The following COG3 variants were observed in gnomAD, a reference collection of about 807,000 sequenced individuals.
The protein encoded by COG3 is conserved oligomeric Golgi complex subunit 3.
Under a neutral mutation model 114.1 loss-of-function variants are expected in COG3, and 32 were observed. The ratio of observed to expected loss-of-function variants is 0.28; its 90% CI spans 0.21 to 0.38. The LOEUF (loss-of-function observed/expected upper bound fraction) is 0.38. Ranked by LOEUF, COG3 falls within the 10% of genes least tolerant of loss-of-function variation. COG3 has a pLI of 1.00. For missense variants in COG3, 813 were observed against 973.2 expected, an observed-to-expected ratio of 0.84 and a Z score of 2.19; for synonymous variants, 352 against 365.7, an observed-to-expected ratio of 0.96 and a Z score of 0.43.
chr13:45,507,515 A>G (rs1420412370), intron 14 of COG3, among the ~76,000 whole-genome samples: 1 of 152,190 alleles, frequency 6.6e-6, no homozygotes, highest in African/African-American at 2.4e-5. Flanking sequence ...CTGTAATTCC[A>G]GCACTTTGGG....
Position 45,493,494 on chromosome 13 carries a change from A to T in COG3, c.1327+8A>T. The T allele has an allele frequency of 6.2e-7, 1 of 1,607,940 alleles. No individual in the cohort carries two copies. Among genetic ancestry groups the T allele is most frequent in the Non-Finnish European group, 8.5e-7 (1 of 1,177,026 alleles). On this transcript the variant is annotated splice_region_variant and intron_variant, in intron 12 of 22. Coordinates refer to ENST00000349995, the MANE Select transcript of COG3 (RefSeq NM_031431.4). Reference sequence around the variant, plus strand: ...ATCATGTGCAGAACAATGGTAAATGAGTAGAAATGATCATTTTAAGTTATA... The same window carrying T: ...ATCATGTGCAGAACAATGGTAAATGTGTAGAAATGATCATTTTAAGTTATA...
At chr13:45,470,392 G>T (rs1020482033) in intron 1 of COG3, among the ~76,000 whole-genome samples, 2 of 152,162 alleles carry the variant, frequency 1.3e-5, no homozygotes, top group African/African-American at 4.8e-5. Context: ...CACTTAAAAG[G>T]ACAGCTCTAT....
intron 12 of COG3, chr13:45,493,866 G>GT (rs56202303): frequency 0.9 from 138,754 of 154,384 alleles, 62,500 homozygotes; most frequent in African/African-American, 0.94. Context: ...AACAGGAATT[G>GT]TTTTGTGTAT....
chr13:45,511,937 A>G, intron 16 of COG3, 83 bp downstream of exon 16: 1 of 1,081,200 alleles, frequency 9.2e-7, no homozygotes, highest in South Asian at 1.3e-5. Context: ...CAGAAGTTTA[A>G]AGCTGTTTTG....
chr13:45,487,857 A>G (rs1372212712), intron 8 of COG3, among the ~76,000 whole-genome samples: 1 of 152,238 alleles, frequency 6.6e-6, no homozygotes, highest in Non-Finnish European at 1.5e-5. Flanking sequence ...TAGAGCTGTC[A>G]TACCATCCAG....
intron 16 of COG3, among the ~76,000 whole-genome samples, chr13:45,514,562 CATATT>C (rs1006293921): frequency 6.6e-6 from 1 of 152,156 alleles, no homozygotes; most frequent in African/African-American, 2.4e-5. Context: ...CTGTTTCCTA[CATATT>C]ATAAGAGGTT....
intron 1 of COG3, 144 bp from the exon 2 acceptor site, chr13:45,476,057 C>T (rs1186054830): frequency 2.8e-6 from 2 of 705,436 alleles, no homozygotes; most frequent in Non-Finnish European, 4.8e-6. Context: ...AATGTTAGTA[C>T]TATATAGTAT....
chr13:45,502,804 A>C (rs1243072618), intron 13 of COG3, among the ~76,000 whole-genome samples: 1 of 152,102 alleles, frequency 6.6e-6, no homozygotes, highest in East Asian at 1.9e-4. Context: ...GGAATTCCCA[A>C]AGTCCATTGT....
At chr13:45,491,355 T>G in intron 9 of COG3, 57 bp from the exon 10 acceptor site, 2 of 1,560,974 alleles carry the variant, frequency 1.3e-6, no homozygotes, top group Non-Finnish European at 1.7e-6. Context: ...GGATTTAAGA[T>G]GAAATTTAGT....
chr13:45,485,228 G>A (rs1368452112), intron 7 of COG3, among the ~76,000 whole-genome samples: 290 of 118,882 alleles, frequency 2.4e-3, no homozygotes, highest in African/African-American at 0.01. Flanking sequence ...CCGGGCAGGG[G>A]GGCTGACCCC....
intron 13 of COG3, among the ~76,000 whole-genome samples, chr13:45,501,899 A>T (rs1276357775): frequency 6.6e-6 from 1 of 152,218 alleles, no homozygotes; most frequent in East Asian, 1.9e-4. Context: ...CTAAACTTAC[A>T]TCTCTTCCTC....
chr13:45,475,891 G>A (rs1885826261), intron 1 of COG3, among the ~76,000 whole-genome samples: 1 of 151,754 alleles, frequency 6.6e-6, no homozygotes, highest in Non-Finnish European at 1.5e-5. Flanking sequence ...CTTGAACTCT[G>A]GAGGCAGAGG....
At chr13:45,521,979 A>AT (rs1179490443) in intron 19 of COG3, among the ~76,000 whole-genome samples, 2 of 151,760 alleles carry the variant, frequency 1.3e-5, no homozygotes, top group Non-Finnish European at 2.9e-5. Flanking sequence ...ATATTTATGT[A>AT]TTTTTTGTAG....
intron 13 of COG3, among the ~76,000 whole-genome samples, chr13:45,497,715 G>A (rs923477710): frequency 6.6e-6 from 1 of 151,970 alleles, no homozygotes; most frequent in Non-Finnish European, 1.5e-5. Flanking sequence ...GAGCCCGGGA[G>A]GTGGAGGTTT....
At position 45,496,408 on chromosome 13, in the gene COG3, C is replaced by T. The variant is rs1016668923; in HGVS notation, c.1488+96C>T. ...AAAAATTTATATATTAAAATAGAGA[C>T]AGGGTTTCCCCTTGTTGCCCAGGCT... is the stretch of plus-strand genomic sequence containing the variant. On this transcript the variant is annotated intron_variant, in intron 13 of 22. Coordinates refer to ENST00000349995, the MANE Select transcript of COG3 (RefSeq NM_031431.4). 4 of 979,328 alleles carry T rather than the reference C, an allele frequency of 4.1e-6. No individual in the cohort carries two copies. The African/African-American group carries it at 6.8e-5, about 17-fold the overall frequency. The allele number at this position is 979,328 out of a possible 1,614,324, so 60.7% of individuals were successfully genotyped here. A position where few individuals can be genotyped will look rare whatever the true frequency, so the allele number is the denominator to read the frequency against.
chr13:45,512,087 C>A, intron 16 of COG3: 1 of 432,364 alleles, frequency 2.3e-6, no homozygotes, highest in Non-Finnish European at 4.2e-6. Context: ...TTAGGTTACA[C>A]ATTCTATAGA....
At chr13:45,504,384 G>C (rs1215348498) in intron 14 of COG3, among the ~76,000 whole-genome samples, 1 of 152,076 alleles carries the variant, frequency 6.6e-6, no homozygotes, top group Non-Finnish European at 1.5e-5. Context: ...TATACCTCTT[G>C]GTCCTAGTAT....
chr13:45,509,348 C>T (rs1317994108), intron 14 of COG3, among the ~76,000 whole-genome samples: 3 of 152,174 alleles, frequency 2.0e-5, no homozygotes, highest in African/African-American at 7.2e-5. Flanking sequence ...GATCTGCCTC[C>T]TTTTTAATGG....
intron 19 of COG3, 90 bp from the exon 20 acceptor site, chr13:45,524,886 C>A: frequency 1.2e-6 from 1 of 827,644 alleles, no homozygotes; most frequent in South Asian, 1.7e-5. Context: ...GTTGTGTATC[C>A]CTTGAGAGCA....
Sources: gnomAD v4.1 joint callset for allele counts (sites outside exome capture counted in the v4.1 genomes callset) on GRCh38, gnomAD v4.1.1 for gene constraint, MANE v1.5 for transcripts, NCBI Gene and HGNC (gene_info 2026-07-23, HGNC 2026-07-21) for gene names.